Variants in NBEA observed in about 807,000 individuals in gnomAD.
The protein encoded by NBEA is neurobeachin.
In NBEA, 44 loss-of-function variants were observed where a neutral mutation model predicts 343.4. That is an observed-to-expected ratio of 0.13 (90% CI 0.10 to 0.16). The LOEUF (loss-of-function observed/expected upper bound fraction) is 0.16, where lower values mean the gene tolerates loss of function less well. NBEA is among the 10% of genes least tolerant of loss of function. The pLI, the probability that NBEA is intolerant of heterozygous loss-of-function variation, is 1.00. For missense variants in NBEA, 2,555 were observed against 3,631.3 expected, an observed-to-expected ratio of 0.70 and a Z score of 7.62; for synonymous variants, 1,175 against 1,238.7, an observed-to-expected ratio of 0.95 and a Z score of 1.08.
At chr13:35,298,084 A>G (rs781740474) in intron 35 of NBEA, among the ~76,000 whole-genome samples, 56 of 151,444 alleles carry the variant, frequency 3.7e-4, no homozygotes, top group Non-Finnish European at 5.9e-4. Flanking sequence ...CACGTTTTCT[A>G]TGTTATATGT....
At chr13:35,634,304 C>T (rs1296550942) in intron 49 of NBEA, among the ~76,000 whole-genome samples, 6 of 152,148 alleles carry the variant, frequency 3.9e-5, no homozygotes, top group Non-Finnish European at 1.5e-5. Flanking sequence ...GATCATACCA[C>T]TGCACTCCAG....
At chr13:35,462,106 C>T (rs79802319) in intron 40 of NBEA, among the ~76,000 whole-genome samples, 1 of 152,110 alleles carries the variant, frequency 6.6e-6, no homozygotes, top group African/African-American at 2.4e-5. Flanking sequence ...GATGCTAGAT[C>T]GAAACTTCAC....
rs2036175722 is a variant in NBEA, at chr13:35,297,000, C to T, written c.5838+6550C>T. ...GTACACAGAGTCCCATGTACCCTTC[C>T]CTCAGCTTCCTCCAATAGTAACATC... On this transcript the variant is annotated intron_variant, in intron 35 of 58. Transcript: ENST00000379939. Among the ~76,000 whole-genome samples the T allele has an allele frequency of 2.6e-5, 4 of 151,874 alleles. No homozygotes were observed. In the South Asian group the frequency reaches 6.2e-4, roughly 24 times the overall value.
At chr13:35,234,462 T>C (rs2075129829) in intron 34 of NBEA, among the ~76,000 whole-genome samples, 1 of 152,178 alleles carries the variant, frequency 6.6e-6, no homozygotes, top group Admixed American at 6.6e-5. Context: ...AGAAGAAATA[T>C]TCCTCATGGA....
intron 34 of NBEA, among the ~76,000 whole-genome samples, chr13:35,247,660 A>G (rs891616208): frequency 3.3e-5 from 5 of 152,106 alleles, no homozygotes; most frequent in African/African-American, 1.2e-4. Context: ...TGCAGGAGCA[A>G]TCCACTTCCT....
chr13:35,479,177 G>A (rs571919942), intron 41 of NBEA, among the ~76,000 whole-genome samples: 52 of 152,328 alleles, frequency 3.4e-4, no homozygotes, highest in African/African-American at 1.3e-3. Flanking sequence ...TTAGTTTAAA[G>A]GACGCCAGGA....
At chr13:35,124,604 A>G (rs1182999144) in intron 17 of NBEA, among the ~76,000 whole-genome samples, 1 of 149,806 alleles carries the variant, frequency 6.7e-6, no homozygotes, top group African/African-American at 2.4e-5. Context: ...ATGGATATAT[A>G]TACACATACA....
At chr13:35,351,595 G>GA (rs1306086569) in intron 37 of NBEA, among the ~76,000 whole-genome samples, 1 of 151,824 alleles carries the variant, frequency 6.6e-6, no homozygotes, top group Non-Finnish European at 1.5e-5. Flanking sequence ...AGGGATCATA[G>GA]AAAAAAATCT....
chr13:35,188,136 C>A (rs2071861447), intron 30 of NBEA, among the ~76,000 whole-genome samples: 1 of 151,894 alleles, frequency 6.6e-6, no homozygotes, highest in Non-Finnish European at 1.5e-5. Context: ...GTAATCATAA[C>A]TAACTTTTTT....
At chr13:34,985,810 A>G (rs1337661842) in intron 1 of NBEA, among the ~76,000 whole-genome samples, 2 of 150,696 alleles carry the variant, frequency 1.3e-5, no homozygotes, top group Non-Finnish European at 3.0e-5. Flanking sequence ...TAGATTTTCT[A>G]GTTTATTTGC....
At chr13:35,649,281 T>A (rs1358989955) in intron 51 of NBEA, among the ~76,000 whole-genome samples, 1 of 152,234 alleles carries the variant, frequency 6.6e-6, no homozygotes, top group Non-Finnish European at 1.5e-5. Context: ...TGGGAGTCAC[T>A]AATTTGACTA....
chr13:35,289,106 C>G (rs913318818), intron 34 of NBEA, among the ~76,000 whole-genome samples: 4 of 151,862 alleles, frequency 2.6e-5, no homozygotes, highest in Admixed American at 1.3e-4. Flanking sequence ...CCACTACCTA[C>G]AATAAATATG....
At chr13:35,136,769 C>T (rs1286887663) in intron 17 of NBEA, among the ~76,000 whole-genome samples, 1 of 152,116 alleles carries the variant, frequency 6.6e-6, no homozygotes, top group African/African-American at 2.4e-5. Flanking sequence ...AGTATGTAGA[C>T]ATCAGGTCAG....
In NBEA at chr13:35,669,253, G is replaced by A. The variant is rs369884796; in HGVS notation, c.8813+734G>A. ...GAAATATAAAGTCTAAAGTTCCTAAGCCTTTAAAATAAACTACAACCCTGT... is the reference window on the plus strand; with the variant it reads ...GAAATATAAAGTCTAAAGTTCCTAAACCTTTAAAATAAACTACAACCCTGT... On this transcript the variant is annotated intron_variant, in intron 58 of 58. Transcript: ENST00000379939. 7.2e-5 allele frequency among the ~76,000 whole-genome samples: 11 copies of A among 152,174 alleles called. No homozygotes were observed. In the East Asian group the frequency reaches 9.7e-4, roughly 13 times the overall value.
chr13:35,252,979 A>G (rs933895315), intron 34 of NBEA, among the ~76,000 whole-genome samples: 3 of 152,124 alleles, frequency 2.0e-5, no homozygotes, highest in African/African-American at 7.2e-5. Flanking sequence ...CAGAATTCCA[A>G]CTTGAAGGAT....
rs141435345 is a variant in NBEA, at chr13:35,656,274, G to A, written c.8362+525G>A. On this transcript the variant is annotated intron_variant, in intron 55 of 58. Coordinates refer to ENST00000379939, the MANE Select transcript of NBEA (RefSeq NM_001385012.1). ...TGAATAAGACAGTTTCCTTGCTTGG[G>A]AGGATTCCTCAAGTGATAGTTATTC... 3.5e-3 allele frequency among the ~76,000 whole-genome samples: 528 copies of A among 152,268 alleles called. 1 individual carries two copies. The highest frequency in any genetic ancestry group is 5.3e-3 in the Non-Finnish European group (362 of 68,018).
At chr13:34,994,191 C>T (rs2060858003) in intron 1 of NBEA, among the ~76,000 whole-genome samples, 1 of 94,792 alleles carries the variant, frequency 1.1e-5, no homozygotes, top group African/African-American at 4.7e-5. Flanking sequence ...GAGCAAGGCT[C>T]TGTCTCCAAA....
At chr13:35,282,949 A>C (rs866889177) in intron 34 of NBEA, among the ~76,000 whole-genome samples, 13 of 152,136 alleles carry the variant, frequency 8.5e-5, no homozygotes, top group African/African-American at 2.9e-4. Flanking sequence ...TGTTCCTTAA[A>C]TAAATTTTTA....
At chr13:35,447,454 T>C (rs2046104103) in intron 39 of NBEA, among the ~76,000 whole-genome samples, 2 of 151,898 alleles carry the variant, frequency 1.3e-5, no homozygotes, top group African/African-American at 4.8e-5. Flanking sequence ...TGCAATGCAA[T>C]ATTCTGTATT....
Sources: gnomAD v4.1 joint callset for allele counts (sites outside exome capture counted in the v4.1 genomes callset) on GRCh38, gnomAD v4.1.1 for gene constraint, MANE v1.5 for transcripts, NCBI Gene and HGNC (gene_info 2026-07-23, HGNC 2026-07-21) for gene names.